The following IQGAP2 variants were observed in gnomAD, a reference collection of about 807,000 sequenced individuals.
The protein encoded by IQGAP2 is ras GTPase-activating-like protein IQGAP2.
In IQGAP2, 173 loss-of-function variants were observed where a neutral mutation model predicts 201.3. The observed-to-expected ratio is 0.86, with a 90% CI of 0.76 to 0.98. The LOEUF is 0.98. Ranked by LOEUF, IQGAP2 falls within the 50% of genes least tolerant of loss-of-function variation. The probability of loss-of-function intolerance (pLI) is 0.00; values close to 1 mark genes in which losing one functional copy is unlikely to be tolerated. For missense variants in IQGAP2, 1,687 were observed against 1,864.8 expected, an observed-to-expected ratio of 0.90 and a Z score of 1.76; for synonymous variants, 675 against 673.9, an observed-to-expected ratio of 1.00 and a Z score of -0.03.
chr5:76,594,976 T>TA (rs769560018), intron 9 of IQGAP2, among the ~76,000 whole-genome samples: 4 of 149,206 alleles, frequency 2.7e-5, no homozygotes, highest in Non-Finnish European at 4.5e-5. Flanking sequence ...AAAAAAAATT[T>TA]AAAAAAAAAA....
At chr5:76,438,494 G>A (rs1328390541) in intron 1 of IQGAP2, among the ~76,000 whole-genome samples, 1 of 151,912 alleles carries the variant, frequency 6.6e-6, no homozygotes, top group Admixed American at 6.6e-5. Flanking sequence ...CCAGGCTGGA[G>A]TGCCATGTCA....
At chr5:76,452,218 G>C (rs1374359660) in intron 1 of IQGAP2, among the ~76,000 whole-genome samples, 1 of 146,650 alleles carries the variant, frequency 6.8e-6, no homozygotes, top group African/African-American at 2.5e-5. Flanking sequence ...CCCAGCCCTT[G>C]TTTTTTTCTT....
At chr5:76,651,395 G>A (rs1296395858) in intron 17 of IQGAP2, among the ~76,000 whole-genome samples, 1 of 152,166 alleles carries the variant, frequency 6.6e-6, no homozygotes, top group East Asian at 1.9e-4. Context: ...TTGAGTCCAG[G>A]AATTCAAGAC....
intron 13 of IQGAP2, chr5:76,617,310 G>C (rs1252089192): frequency 3.1e-6 from 1 of 317,954 alleles, no homozygotes; most frequent in Non-Finnish European, 5.8e-6. Context: ...TAGTAGCTGG[G>C]CATGGTGGTG....
chr5:76,587,183 A>G (rs1469729990), intron 5 of IQGAP2, among the ~76,000 whole-genome samples: 1 of 152,224 alleles, frequency 6.6e-6, no homozygotes, highest in Non-Finnish European at 1.5e-5. Flanking sequence ...AAATTCTCAT[A>G]TAAAAGGAAA....
At chr5:76,436,431 A>G (rs527415138) in intron 1 of IQGAP2, among the ~76,000 whole-genome samples, 4 of 134,408 alleles carry the variant, frequency 3.0e-5, no homozygotes, top group African/African-American at 1.1e-4. Context: ...TCATAAAAGA[A>G]TGCTAGGTTT....
At chr5:76,699,649 C>CG in intron 33 of IQGAP2, among the ~76,000 whole-genome samples, 1 of 127,372 alleles carries the variant, frequency 7.9e-6, no homozygotes, top group African/African-American at 3.1e-5. Flanking sequence ...CTCTCTCTCT[C>CG]TCTCTCTCTC....
intron 2 of IQGAP2, among the ~76,000 whole-genome samples, chr5:76,509,031 G>A (rs753713210): frequency 9.6e-5 from 3 of 31,392 alleles, no homozygotes; most frequent in Non-Finnish European, 1.9e-4. Context: ...GTATATATAT[G>A]TGTGTGTGTG....
intron 2 of IQGAP2, among the ~76,000 whole-genome samples, chr5:76,495,725 A>C (rs891257618): frequency 2.0e-5 from 3 of 152,134 alleles, no homozygotes; most frequent in Admixed American, 6.6e-5. Context: ...GCGGAAGGTG[A>C]AGAGGTAGCC....
chr5:76,436,476 CATATATATATATATATATATATATATAT>C lies in IQGAP2; in HGVS notation c.47-25079_47-25052del, dbSNP rs1283261181. On this transcript the variant is annotated intron_variant, in intron 1 of 35. Coordinates refer to ENST00000274364, the MANE Select transcript of IQGAP2 (RefSeq NM_006633.5). ...CTTTTTCTGCATCTATTGAGATGAT[CATATATATATATATATATATATATATAT>C]ATATATATATATATTTTTTTTTTTT... Among the ~76,000 whole-genome samples the C allele has an allele frequency of 6.5e-4, 14 of 21,456 alleles. 2 individuals are homozygous for C. Among genetic ancestry groups the C allele is most frequent in the African/African-American group, 1.4e-3 (13 of 9,476 alleles). 14.1% of individuals were successfully genotyped at this position (21,456 alleles called of 152,430 possible).
At chr5:76,420,372 A>G (rs890180123) in intron 1 of IQGAP2, among the ~76,000 whole-genome samples, 15 of 140,668 alleles carry the variant, frequency 1.1e-4, no homozygotes, top group Non-Finnish European at 2.0e-4. Flanking sequence ...CTATCTTTGG[A>G]ACTTTTTTTT....
intron 1 of IQGAP2, among the ~76,000 whole-genome samples, chr5:76,437,046 G>A (rs1424082847): frequency 1.3e-5 from 2 of 151,612 alleles, no homozygotes; most frequent in African/African-American, 4.8e-5. Flanking sequence ...TGATTATGGT[G>A]GTGTATTATC....
intron 2 of IQGAP2, among the ~76,000 whole-genome samples, chr5:76,479,909 A>G (rs1379093465): frequency 6.6e-6 from 1 of 152,076 alleles, no homozygotes; most frequent in Admixed American, 6.6e-5. Flanking sequence ...TGAGAGACTG[A>G]TAGAAGGAAG....
intron 25 of IQGAP2, 47 bp from the exon 26 acceptor site, chr5:76,673,905 T>C (rs745580844): frequency 8.8e-7 from 1 of 1,131,052 alleles, no homozygotes; most frequent in South Asian, 1.3e-5. Context: ...TTTTCCTCAC[T>C]CCGCCTTTTT....
chr5:76,707,073 A>G, intron 35 of IQGAP2, 127 bp from the exon 36 acceptor site: 1 of 623,692 alleles, frequency 1.6e-6, no homozygotes, highest in Non-Finnish European at 2.9e-6. Flanking sequence ...CCTGGGCAAC[A>G]TAGTTAGACC....
chr5:76,420,155 G>A (rs1751649619), intron 1 of IQGAP2, among the ~76,000 whole-genome samples: 1 of 152,080 alleles, frequency 6.6e-6, no homozygotes, highest in Non-Finnish European at 1.5e-5. Flanking sequence ...TACTGGTGAT[G>A]AATAGATATT....
At position 76,627,429 on chromosome 5, in the gene IQGAP2, A is replaced by G. The variant is rs139421974; in HGVS notation, c.1541A>G (p.Lys514Arg). The change falls in exon 14 of 36, where the codon AAA becomes AGA. Residue 514 changes from lysine to arginine, a missense_variant. By Grantham distance (26) the Lys-to-Arg change is conservative. Transcript: ENST00000274364. ...QKLGDSESVS[K>R]VLWLDEIQQA... ...CCCCAGGACTCTGAGAGTGTTTCCA[A>G]AGTGCTTTGGCTGGATGAGATACAG... 2 of 1,601,980 alleles carry G rather than the reference A, an allele frequency of 1.2e-6. No homozygotes were observed. The highest frequency in any genetic ancestry group is 1.3e-5 in the African/African-American group (1 of 74,814).
chr5:76,603,028 A>G (rs1156935011), intron 11 of IQGAP2, among the ~76,000 whole-genome samples: 4 of 152,202 alleles, frequency 2.6e-5, no homozygotes, highest in Admixed American at 6.5e-5. Context: ...AACCCTATTC[A>G]TAATTCTGTT....
intron 13 of IQGAP2, chr5:76,618,301 C>T: frequency 6.2e-7 from 1 of 1,614,134 alleles, no homozygotes; most frequent in Non-Finnish European, 8.5e-7. Flanking sequence ...TCTGCAATGG[C>T]CAGGTTGGTG....
Sources: gnomAD v4.1 joint callset for allele counts (sites outside exome capture counted in the v4.1 genomes callset) on GRCh38, gnomAD v4.1.1 for gene constraint, MANE v1.5 for transcripts, NCBI Gene and HGNC (gene_info 2026-07-23, HGNC 2026-07-21) for gene names.